CDKL1: variants seen among roughly 807,000 people sequenced by gnomAD.
The protein encoded by CDKL1 is cyclin-dependent kinase-like 1.
In CDKL1, 41 loss-of-function variants were observed where a neutral mutation model predicts 42.0. The ratio of observed to expected loss-of-function variants is 0.98; its 90% CI spans 0.76 to 1.27. The LOEUF is 1.27. Among genes scored for constraint, CDKL1 ranks in the 50% most tolerant of loss-of-function variants. The pLI is 0.00. For synonymous variants in CDKL1, 153 were observed against 158.6 expected (o/e 0.96, Z 0.26); for missense variants, 394 against 428.4 (o/e 0.92, Z 0.71).
chr14:50,332,633 T>C (rs773131789), intron 8 of CDKL1: 7 of 1,515,852 alleles, frequency 4.6e-6, no homozygotes, highest in Non-Finnish European at 6.2e-6. Context: ...TTTCTAGAAG[T>C]AGTAATGAAA....
Position 50,330,499 on chromosome 14 carries a change from A to C in CDKL1, c.967-318T>G. 2 of 268,252 alleles carry C rather than the reference A, an allele frequency of 7.5e-6. 1 individual carries two copies. Among genetic ancestry groups the C allele is most frequent in the Admixed American group, 1.1e-4 (2 of 18,704 alleles). The allele number at this position is 268,252 out of a possible 1,614,324, so 16.6% of individuals were successfully genotyped here. On this transcript the variant is annotated intron_variant, in intron 9 of 9. Coordinates refer to ENST00000395834, the MANE Select transcript of CDKL1 (RefSeq NM_004196.7). ...AGAGCTTGCTGAGATCTTAGGGATC[A>C]TTTAAGCCAATGCCTTGTCTTATAG...
chr14:50,352,904 A>G (rs2033945724), intron 3 of CDKL1, among the ~76,000 whole-genome samples: 1 of 152,242 alleles, frequency 6.6e-6, no homozygotes, highest in Admixed American at 6.5e-5. Flanking sequence ...TTCTTTGTAG[A>G]CAATTTCATA....
chr14:50,382,019 T>G (rs983946175), intron 2 of CDKL1, among the ~76,000 whole-genome samples: 5 of 152,216 alleles, frequency 3.3e-5, no homozygotes, highest in African/African-American at 1.2e-4. Flanking sequence ...CCAGGCAATT[T>G]TACCCAAGAG....
chr14:50,385,070 C>CAAAAAAAAAA (rs55719234), intron 2 of CDKL1, among the ~76,000 whole-genome samples: 11 of 93,552 alleles, frequency 1.2e-4, no homozygotes, highest in Non-Finnish European at 1.8e-4. Context: ...GACTCTGTCT[C>CAAAAAAAAAA]AAAAAAAAAA....
intron 3 of CDKL1, chr14:50,358,230 C>T: frequency 9.5e-7 from 1 of 1,052,704 alleles, no homozygotes; most frequent in Non-Finnish European, 1.2e-6. Context: ...AATTGTTTTT[C>T]ACCTATGCTT....
At chr14:50,357,960 A>G in intron 3 of CDKL1, 1 of 858,236 alleles carries the variant, frequency 1.2e-6, no homozygotes, top group African/African-American at 1.7e-5. Context: ...GCCACTACCT[A>G]CGTTGCCCTG....
intron 6 of CDKL1, 66 bp downstream of exon 6, chr14:50,340,966 C>T (rs2033493512): frequency 1.3e-6 from 2 of 1,566,848 alleles, no homozygotes; most frequent in Non-Finnish European, 8.6e-7. Flanking sequence ...GAGAACTTGG[C>T]TCTGCCCTGC....
intron 3 of CDKL1, among the ~76,000 whole-genome samples, chr14:50,353,083 C>A (rs1270426136): frequency 1.3e-5 from 2 of 152,180 alleles, no homozygotes; most frequent in Non-Finnish European, 2.9e-5. Context: ...TCTAACAAGC[C>A]TAGAAGCCAT....
intron 2 of CDKL1, among the ~76,000 whole-genome samples, chr14:50,385,070 CAAAAAAAAAAAAAAAAAAAAAAAAAA>C (rs55719234): frequency 1.1e-5 from 1 of 93,564 alleles, no homozygotes; most frequent in Non-Finnish European, 2.0e-5. Flanking sequence ...GACTCTGTCT[CAAAAAAAAAAAAAAAAAAAAAAAAAA>C]AAAAAAAAAA....
At chr14:50,381,933 T>C (rs939570178) in intron 2 of CDKL1, among the ~76,000 whole-genome samples, 35 of 152,150 alleles carry the variant, frequency 2.3e-4, no homozygotes, top group African/African-American at 7.5e-4. Context: ...CCACTGTGCC[T>C]GGCCAGTTTA....
chr14:50,384,837 G>A (rs1160366363), intron 2 of CDKL1, among the ~76,000 whole-genome samples: 6 of 151,810 alleles, frequency 4.0e-5, no homozygotes, highest in South Asian at 2.1e-4. Context: ...TTAGGAGGCC[G>A]AGGTGGGTGG....
chr14:50,358,501 T>TC (rs1274602605), intron 3 of CDKL1, among the ~76,000 whole-genome samples: 10 of 151,272 alleles, frequency 6.6e-5, no homozygotes. Flanking sequence ...TCAAGTTCAA[T>TC]CTAATGATGC....
chr14:50,343,489 A>G (rs1478816823), intron 4 of CDKL1, among the ~76,000 whole-genome samples: 1 of 152,168 alleles, frequency 6.6e-6, no homozygotes, highest in East Asian at 1.9e-4. Context: ...GTTCTTAGCA[A>G]TTAACATCCT....
At chr14:50,359,304 G>A (rs1444717360) in intron 2 of CDKL1, among the ~76,000 whole-genome samples, 155 bp from the exon 3 acceptor site, 1 of 152,078 alleles carries the variant, frequency 6.6e-6, no homozygotes, top group African/African-American at 2.4e-5. Context: ...CTCTTAACAA[G>A]CTATTTGTCA....
intron 2 of CDKL1, among the ~76,000 whole-genome samples, chr14:50,369,051 G>C (rs921568470): frequency 6.6e-6 from 1 of 151,840 alleles, no homozygotes; most frequent in East Asian, 1.9e-4. Context: ...ATTTTTAGTA[G>C]AGACAGGGTT....
chr14:50,336,292 G>A, intron 7 of CDKL1: 1 of 1,215,060 alleles, frequency 8.2e-7, no homozygotes, highest in Non-Finnish European at 1.1e-6. Flanking sequence ...CAGGAAATCT[G>A]CAGGACAATC....
intron 2 of CDKL1, among the ~76,000 whole-genome samples, chr14:50,381,746 GTGTGGTTTTTTGTTTGTTTGTTTGTT>G (rs2034913554): frequency 7.1e-6 from 1 of 139,924 alleles, no homozygotes; most frequent in African/African-American, 2.7e-5. Flanking sequence ...TAGAAATTCT[GTGTGGTTTTTTGTTTGTTTGTTTGTT>G]TGTTTGTTTG....
upstream of CDKL1, chr14:50,396,954 C>G: frequency 1.8e-6 from 1 of 553,026 alleles, no homozygotes; most frequent in Non-Finnish European, 2.6e-6. Flanking sequence ...GCGGGGCCGC[C>G]GCGCCCCAGC....
At chr14:50,360,829 T>G (rs1333196789) in intron 2 of CDKL1, among the ~76,000 whole-genome samples, 1 of 147,804 alleles carries the variant, frequency 6.8e-6, no homozygotes, top group Non-Finnish European at 1.5e-5. Context: ...TGTGTGTGAT[T>G]GGCTTAGTTC....
Sources: allele counts gnomAD v4.1 joint callset (sites outside exome capture counted in the v4.1 genomes callset), GRCh38; gene constraint gnomAD v4.1.1; transcripts MANE v1.5; gene names NCBI Gene and HGNC (gene_info 2026-07-23, HGNC 2026-07-21).